The following FREM3 variants were observed in gnomAD, a reference collection of about 807,000 sequenced individuals.
FREM3 encodes the protein FRAS1 related extracellular matrix 3, also known as FRAS1-related extracellular matrix protein 3.
Under a neutral mutation model 129.1 loss-of-function variants are expected in FREM3, and 105 were observed. That is an observed-to-expected ratio of 0.81 (90% CI 0.69 to 0.96). The LOEUF is 0.96. Ranked by LOEUF, FREM3 falls within the 40% of genes least tolerant of loss-of-function variation. The pLI is 0.00. For missense variants in FREM3, 2,593 were observed against 2,666.3 expected, an observed-to-expected ratio of 0.97 and a Z score of 0.61; for synonymous variants, 1,014 against 1,044.9, an observed-to-expected ratio of 0.97 and a Z score of 0.57.
chr4:143,700,604 C>T lies in FREM3; in HGVS notation c.72G>A (p.Leu24=), dbSNP rs1345438203. ...QLLVALACLL[L]SRPALQGRAS... ...CCCGTCCCTGCAGCGCGGGGCGACT[C>T]AAGAGCAGGCAGGCGAGCGCCACAA... The change falls in exon 1 of 8, where the codon TTG becomes TTA. Residue 24 remains leucine, a synonymous_variant. Transcript: ENST00000329798. 2.7e-6 allele frequency: 4 copies of T among 1,462,262 alleles called. No individual in the cohort carries two copies. Among genetic ancestry groups the T allele is most frequent in the Non-Finnish European group, 3.6e-6 (4 of 1,108,856 alleles). 90.6% of individuals were successfully genotyped at this position (1,462,262 alleles called of 1,614,324 possible). A position where few individuals can be genotyped will look rare whatever the true frequency, so the allele number is the denominator to read the frequency against.
intron 7 of FREM3, among the ~76,000 whole-genome samples, chr4:143,584,516 G>C (rs1340593250): frequency 6.6e-6 from 1 of 151,788 alleles, no homozygotes; most frequent in Non-Finnish European, 1.5e-5. Context: ...AGCCAGCAAT[G>C]ATAAAAAAGA....
Position 143,699,420 on chromosome 4 carries a change from A to G in FREM3, c.1256T>C (p.Phe419Ser). The G allele has an allele frequency of 6.5e-7, 1 of 1,537,296 alleles. No individual in the cohort carries two copies. Among genetic ancestry groups the G allele is most frequent in the Non-Finnish European group, 8.7e-7 (1 of 1,146,914 alleles). ...VDGDGAASDP[F>S]AFMVTVKSMN... The stretch of plus-strand genomic sequence containing the variant: ...GGATTTCACTGTCACCATGAAGGCA[A>G]AGGGGTCTGAGGCGGCGCCGTCTCC... Residue 419 changes from phenylalanine to serine, a missense_variant, in exon 1 of 8, where the codon TTT becomes TCT. Phe to Ser is a radical substitution (Grantham distance 155). Around this residue, in one of 2 missense-constraint regions of FREM3, gnomAD observed 2,276 missense variants for 2,267.2 expected, o/e 1.00. Coordinates refer to ENST00000329798, the MANE Select transcript of FREM3 (RefSeq NM_001168235.2). The surrounding 1 kb of genome is among the most constrained non-coding windows in gnomAD (Gnocchi z 4.2).
Position 143,697,347 on chromosome 4 carries a change from G to A in FREM3, c.3329C>T (p.Thr1110Ile). The A allele has an allele frequency of 6.5e-7, 1 of 1,537,200 alleles. No individual in the cohort carries two copies. The highest frequency in any genetic ancestry group is 8.7e-7 in the Non-Finnish European group (1 of 1,146,880). ...THQDELLCTV[T>I]SQPASGYLEK... is the part of the protein sequence containing the mutation. Reference sequence around the variant, plus strand: ...CAGGTAGCCAGAGGCTGGCTGACTAGTCACTGTGCAGAGGAGTTCATCTTG... The same window carrying A: ...CAGGTAGCCAGAGGCTGGCTGACTAATCACTGTGCAGAGGAGTTCATCTTG... The change falls in exon 1 of 8, where the codon ACT becomes ATT. Residue 1110 changes from threonine to isoleucine, a missense_variant. Physicochemically the swap from Thr to Ile is moderately conservative, Grantham distance 89. Around this residue, in one of 2 missense-constraint regions of FREM3, gnomAD observed 2,276 missense variants for 2,267.2 expected, o/e 1.00. Transcript: ENST00000329798.
intron 2 of FREM3, among the ~76,000 whole-genome samples, chr4:143,672,551 A>C (rs1189039057): frequency 6.6e-6 from 1 of 152,168 alleles, no homozygotes; most frequent in Non-Finnish European, 1.5e-5. Context: ...AACTTTGGTG[A>C]ATCTGACAAT....
intron 2 of FREM3, among the ~76,000 whole-genome samples, chr4:143,662,601 G>A (rs527958491): frequency 5.6e-4 from 85 of 151,430 alleles, no homozygotes; most frequent in Middle Eastern, 6.8e-3. Flanking sequence ...TATTAGGTCC[G>A]CTTGGTGCAG....
At position 143,621,154 on chromosome 4, in the gene FREM3, C is replaced by T; in HGVS notation, c.5662G>A (p.Val1888Ile). The change falls in exon 5 of 8, where the codon GTT becomes ATT. Residue 1888 changes from valine to isoleucine, a missense_variant. Transcript: ENST00000329798. ...TTGTATTCCGCCTCTGGAATATAAACTGTTGATTCTAGAAAAGATGGCAGA... is the reference window on the plus strand; with the variant it reads ...TTGTATTCCGCCTCTGGAATATAAATTGTTGATTCTAGAAAAGATGGCAGA... Reference protein sequence around the residue: ...EIVDPGDESTVYIPEAEYKIE... With the variant: ...EIVDPGDESTIYIPEAEYKIE... 1 of 1,536,942 alleles carries T rather than the reference C, an allele frequency of 6.5e-7. No individual in the cohort carries two copies. The highest frequency in any genetic ancestry group is 8.7e-7 in the Non-Finnish European group (1 of 1,146,726).
intron 6 of FREM3, among the ~76,000 whole-genome samples, chr4:143,595,493 G>A (rs1738453168): frequency 6.6e-6 from 1 of 152,196 alleles, no homozygotes; most frequent in Non-Finnish European, 1.5e-5. Context: ...AATGTAAACA[G>A]ATATACAGTC....
Position 143,587,203 on chromosome 4 carries a change from C to A in FREM3, c.6029-1210G>T, listed in dbSNP as rs576021272. On this transcript the variant is annotated intron_variant, in intron 6 of 7. Transcript: ENST00000329798. The stretch of plus-strand genomic sequence containing the variant: ...ATCTTTGTTGATGATGTTCTCTGAG[C>A]TGGAATGTGCCAATATGGCAAATGC... Among the ~76,000 whole-genome samples the A allele has an allele frequency of 3.3e-5, 5 of 152,206 alleles. No homozygotes were observed. In the East Asian group the frequency reaches 9.7e-4, roughly 29 times the overall value.
At chr4:143,616,816 AAAGAATCAT>A (rs1441708807) in intron 5 of FREM3, among the ~76,000 whole-genome samples, 3 of 151,280 alleles carry the variant, frequency 2.0e-5, no homozygotes, top group Non-Finnish European at 2.9e-5. Context: ...AAGAAAGAAA[AAAGAATCAT>A]CTGTTTTCTA....
chr4:143,581,153 A>G (rs1738135526), intron 7 of FREM3, among the ~76,000 whole-genome samples: 1 of 152,136 alleles, frequency 6.6e-6, no homozygotes, highest in Non-Finnish European at 1.5e-5. Context: ...ACTGTTCTCC[A>G]TGCGAGTCCC....
At chr4:143,682,648 T>C (rs1578867805) in intron 2 of FREM3, among the ~76,000 whole-genome samples, 1 of 152,246 alleles carries the variant, frequency 6.6e-6, no homozygotes, top group Non-Finnish European at 1.5e-5. Context: ...CAATTCTTAG[T>C]TCAAAATGCA....
intron 1 of FREM3, among the ~76,000 whole-genome samples, chr4:143,693,688 G>T (rs1351636313): frequency 6.6e-6 from 1 of 152,156 alleles, no homozygotes; most frequent in Non-Finnish European, 1.5e-5. Context: ...CAAAGACATT[G>T]AATCAACCTA....
chr4:143,627,175 G>T (rs886361201), intron 3 of FREM3, among the ~76,000 whole-genome samples: 2 of 151,986 alleles, frequency 1.3e-5, no homozygotes, highest in African/African-American at 4.8e-5. Context: ...TACTAGCAAG[G>T]TTAAAACAAT....
chr4:143,654,758 A>T (rs560150836), intron 2 of FREM3, among the ~76,000 whole-genome samples: 31 of 152,196 alleles, frequency 2.0e-4, no homozygotes, highest in African/African-American at 7.5e-4. Context: ...TTTTTTTGAC[A>T]TTTGGAATTC....
intron 2 of FREM3, among the ~76,000 whole-genome samples, chr4:143,647,284 C>A (rs1054185153): frequency 3.3e-5 from 5 of 152,074 alleles, no homozygotes; most frequent in Non-Finnish European, 5.9e-5. Flanking sequence ...AGGAAGCAGA[C>A]CAGAAAAGTT....
intron 3 of FREM3, among the ~76,000 whole-genome samples, chr4:143,627,274 A>G (rs980446746): frequency 4.6e-5 from 7 of 152,212 alleles, no homozygotes; most frequent in Admixed American, 4.6e-4. Flanking sequence ...AGCTAAAAAT[A>G]TATGCTTAAA....
chr4:143,621,324 T>A (rs1352672872), intron 4 of FREM3, among the ~76,000 whole-genome samples, 162 bp from the exon 5 acceptor site: 1 of 152,180 alleles, frequency 6.6e-6, no homozygotes, highest in East Asian at 1.9e-4. Flanking sequence ...TATTATTGAG[T>A]GGAGCTGGAG....
intron 6 of FREM3, among the ~76,000 whole-genome samples, chr4:143,610,896 C>T (rs775761216): frequency 6.6e-6 from 1 of 152,090 alleles, no homozygotes; most frequent in Non-Finnish European, 1.5e-5. Flanking sequence ...TGCTGCTTGA[C>T]AACTCACACA....
chr4:143,627,303 G>T (rs989443036), intron 3 of FREM3, among the ~76,000 whole-genome samples: 2 of 152,130 alleles, frequency 1.3e-5, no homozygotes, highest in African/African-American at 4.8e-5. Flanking sequence ...TAAGGAAATT[G>T]AGTGACTTGA....
Sources: gnomAD v4.1 joint callset for allele counts (sites outside exome capture counted in the v4.1 genomes callset) on GRCh38, gnomAD v4.1.1 for gene constraint, gnomAD v4.1.1 regional missense constraint, Gnocchi (gnomAD v3.1) non-coding constraint, MANE v1.5 for transcripts, NCBI Gene and HGNC (gene_info 2026-07-23, HGNC 2026-07-21) for gene names.